The following TBC1D10A variants were observed in gnomAD, a reference collection of about 807,000 sequenced individuals.
TBC1D10A encodes the protein EBP50-PDX interactor of 64 kDa.
A neutral mutation model predicts 52.9 loss-of-function variants in TBC1D10A; 24 were observed. The ratio of observed to expected loss-of-function variants is 0.45; its 90% CI spans 0.33 to 0.64. The LOEUF is 0.64. TBC1D10A is among the 30% of genes least tolerant of loss of function. TBC1D10A has a pLI of 0.02. For synonymous variants in TBC1D10A, 278 were observed against 282.9 expected (o/e 0.98, Z 0.17); for missense variants, 602 against 687.9 (o/e 0.88, Z 1.40).
chr22:30,293,611 T>C (rs764522190), intron 8 of TBC1D10A, 40 bp downstream of exon 8: 1 of 1,580,086 alleles, frequency 6.3e-7, no homozygotes, highest in South Asian at 1.1e-5. Context: ...CCCACCTGTC[T>C]TCCTCCCTCC....
At chr22:30,308,340 C>CTGCCTGCA (rs1164549528) in intron 1 of TBC1D10A, among the ~76,000 whole-genome samples, 3 of 38,754 alleles carry the variant, frequency 7.7e-5, no homozygotes, top group African/African-American at 1.4e-4. Context: ...GCATGCCTGC[C>CTGCCTGCA]TGCCTGCCTG....
chr22:30,313,370 T>C (rs1182003869), intron 1 of TBC1D10A, among the ~76,000 whole-genome samples: 1 of 98,686 alleles, frequency 1.0e-5, no homozygotes, highest in Admixed American at 1.0e-4. Context: ...TGTGTGTGTG[T>C]GTGTGTGTGT....
chr22:30,311,295 TC>T (rs940683161), intron 1 of TBC1D10A, among the ~76,000 whole-genome samples: 1 of 152,122 alleles, frequency 6.6e-6, no homozygotes, highest in African/African-American at 2.4e-5. Flanking sequence ...AGTGAGGCCA[TC>T]CCCTCCCCAG....
At chr22:30,299,688 C>A in intron 2 of TBC1D10A, 137 bp from the exon 3 acceptor site, 1 of 752,350 alleles carries the variant, frequency 1.3e-6, no homozygotes. Context: ...GGACTTTCGC[C>A]GGGCAAGGTG....
intron 1 of TBC1D10A, among the ~76,000 whole-genome samples, chr22:30,322,296 T>C (rs546838784): frequency 3.7e-4 from 56 of 152,212 alleles, no homozygotes; most frequent in African/African-American, 1.3e-3. Context: ...TGGGCTTCAA[T>C]GCCCCACTCG....
chr22:30,325,631 C>G (rs185255535), intron 1 of TBC1D10A, among the ~76,000 whole-genome samples: 1 of 152,074 alleles, frequency 6.6e-6, no homozygotes, highest in Non-Finnish European at 1.5e-5. Flanking sequence ...TACACATGAT[C>G]TCTGAGGCCT....
At position 30,304,624 on chromosome 22, in the gene TBC1D10A, C is replaced by G; in HGVS notation, c.216G>C (p.Glu72Asp). The G allele has an allele frequency of 6.2e-7, 1 of 1,614,036 alleles. No homozygotes were observed. The highest frequency in any genetic ancestry group is 1.7e-5 in the Admixed American group (1 of 59,994). Residue 72 changes from glutamate (E) to aspartate (D), a missense_variant, in exon 2 of 9, where the codon GAG becomes GAC. Transcript: ENST00000215790. ...GCCTCAGCACCTCCAGGGGTACTTC[C>G]TCCAGCCTGTGGAGCAGAGGGCAGG... ...VGSQGAEGAL[E>D]EVPLEVLRQR...
rs772995689 is a variant in TBC1D10A, at chr22:30,295,742, GC to G, written c.518del (p.Gly173AlafsTer11). The G allele has an allele frequency of 1.2e-6, 2 of 1,613,382 alleles. No homozygotes were observed. The highest frequency in any genetic ancestry group is 1.3e-5 in the African/African-American group (1 of 74,870). ...PFHEMFVSRG[G>X]HGQQDLFRVL... ...ATGAGGCCCAGCCTGCTCACCCGTG[GC>G]CCCCCCGGGACACAAACATCTCATG... On this transcript the variant is annotated frameshift_variant, in exon 4 of 9. Coordinates refer to ENST00000215790, the MANE Select transcript of TBC1D10A (RefSeq NM_031937.3). LOFTEE classifies it high-confidence loss of function.
chr22:30,299,689 G>A (rs999996958), intron 2 of TBC1D10A, 138 bp from the exon 3 acceptor site: 26 of 735,000 alleles, frequency 3.5e-5, no homozygotes, highest in Admixed American at 1.1e-4. Flanking sequence ...GACTTTCGCC[G>A]GGCAAGGTGG....
At position 30,326,714 on chromosome 22, in the gene TBC1D10A, G is replaced by T. The variant is rs779959987; in HGVS notation, c.168C>A (p.Asp56Glu). 3.9e-6 allele frequency: 6 copies of T among 1,545,934 alleles called. No individual in the cohort carries two copies. Among genetic ancestry groups the T allele is most frequent in the Non-Finnish European group, 5.2e-6 (6 of 1,144,420 alleles). The change falls in exon 1 of 9, where the codon GAC (aspartate) becomes GAA (glutamate). Residue 56 changes from aspartate (D) to glutamate (E), a missense_variant. Around this residue, in one of 3 missense-constraint regions of TBC1D10A, gnomAD observed 201 missense variants for 204.4 expected, o/e 0.98. Coordinates refer to ENST00000215790, the MANE Select transcript of TBC1D10A (RefSeq NM_031937.3). ...EANGFAERRIDKFGFIVGSQG... is the reference protein window; with the variant it reads ...EANGFAERRIEKFGFIVGSQG... ...GCGAGCCCACGATGAAGCCGAACTT[G>T]TCGATGCGGCGCTCGGCGAAGCCGT...
intron 1 of TBC1D10A, among the ~76,000 whole-genome samples, chr22:30,314,256 T>G (rs1352987044): frequency 6.6e-6 from 1 of 152,208 alleles, no homozygotes; most frequent in Non-Finnish European, 1.5e-5. Flanking sequence ...TACACAGCCT[T>G]GCTCCTGAGG....
At position 30,292,286 on chromosome 22, in the gene TBC1D10A, C is replaced by T. The variant is rs1929959211; in HGVS notation, c.*89G>A. 3.2e-6 allele frequency: 4 copies of T among 1,246,800 alleles called. No homozygotes were observed. In the Admixed American group the frequency reaches 1.0e-4, roughly 31 times the overall value. The allele number at this position is 1,246,800 out of a possible 1,614,324, so 77.2% of individuals were successfully genotyped here. Reference sequence around the variant, plus strand: ...CCAGCCCAGTGGCCAGGCAGCTTGGCCCTCAGAGGGTGGGCAGGATGTGGA... The same window carrying T: ...CCAGCCCAGTGGCCAGGCAGCTTGGTCCTCAGAGGGTGGGCAGGATGTGGA... On this transcript the variant is annotated 3_prime_UTR_variant, in exon 9 of 9. Coordinates refer to ENST00000215790, the MANE Select transcript of TBC1D10A (RefSeq NM_031937.3).
At chr22:30,313,059 T>C (rs1930457519) in intron 1 of TBC1D10A, among the ~76,000 whole-genome samples, 2 of 152,098 alleles carry the variant, frequency 1.3e-5, no homozygotes, top group Admixed American at 1.3e-4. Context: ...AATTGACTTT[T>C]GAATTGGGGT....
intron 1 of TBC1D10A, among the ~76,000 whole-genome samples, chr22:30,315,611 C>T (rs1476948380): frequency 6.6e-6 from 1 of 152,176 alleles, no homozygotes. Context: ...GGGAAAGCAG[C>T]AGCATTCTCC....
intron 2 of TBC1D10A, among the ~76,000 whole-genome samples, chr22:30,301,556 C>T (rs147879041): frequency 6.6e-6 from 1 of 152,246 alleles, no homozygotes; most frequent in Non-Finnish European, 1.5e-5. Flanking sequence ...TCCTCTCTGC[C>T]CCTCCATCCC....
rs1344141116 is a variant in TBC1D10A, at chr22:30,294,062, C to T, written c.754G>A (p.Val252Met). 7 of 1,613,990 alleles carry T rather than the reference C, an allele frequency of 4.3e-6. No individual in the cohort carries two copies. Among genetic ancestry groups the T allele is most frequent in the African/African-American group, 1.3e-5 (1 of 74,908 alleles). The change falls in exon 7 of 9, where the codon GTG becomes ATG. Residue 252 changes from valine to methionine, a missense_variant. By Grantham distance (21) the Val-to-Met change is conservative. This residue lies in a region of TBC1D10A where 136 missense variants were observed against 208.4 expected (regional missense o/e 0.65). Coordinates refer to ENST00000215790, the MANE Select transcript of TBC1D10A (RefSeq NM_031937.3). ...GEILFSLLQKVSPVAHKHLSR... is the reference protein window; with the variant it reads ...GEILFSLLQKMSPVAHKHLSR... Reference sequence around the variant, plus strand: ...AGGTGCTTGTGGGCCACCGGCGACACCTTCTGCAACAGCGAGAAAAGGATC... The same window carrying T: ...AGGTGCTTGTGGGCCACCGGCGACATCTTCTGCAACAGCGAGAAAAGGATC...
At chr22:30,295,904 C>T (rs1887895028) in intron 3 of TBC1D10A, 61 bp from the exon 4 acceptor site, 2 of 1,474,766 alleles carry the variant, frequency 1.4e-6, no homozygotes, top group Non-Finnish European at 1.8e-6. Context: ...GCTGACAGGA[C>T]ACGGCTGCCC....
intron 8 of TBC1D10A, 173 bp downstream of exon 8, chr22:30,293,478 C>T (rs1929996637): frequency 6.0e-6 from 6 of 996,508 alleles, no homozygotes; most frequent in Middle Eastern, 2.5e-4. Flanking sequence ...CTCTCTGTGC[C>T]CCATGCTCTT....
chr22:30,308,300 A>ATGCCTGCC (rs1235776979), intron 1 of TBC1D10A, among the ~76,000 whole-genome samples: 15 of 89,098 alleles, frequency 1.7e-4, no homozygotes, highest in South Asian at 3.2e-4. Context: ...GCATGCCTGC[A>ATGCCTGCC]TGCCTGCCTG....
Sources: gnomAD v4.1 joint callset for allele counts (sites outside exome capture counted in the v4.1 genomes callset) on GRCh38, gnomAD v4.1.1 for gene constraint, gnomAD v4.1.1 regional missense constraint, MANE v1.5 for transcripts, NCBI Gene and HGNC (gene_info 2026-07-23, HGNC 2026-07-21) for gene names.